The following RASA3 variants were observed in gnomAD, a reference collection of about 807,000 sequenced individuals.
The protein encoded by RASA3 is ras GTPase-activating protein 3.
In RASA3, 73 loss-of-function variants were observed where a neutral mutation model predicts 110.0. The ratio of observed to expected loss-of-function variants is 0.66; its 90% CI spans 0.55 to 0.81. RASA3 has a LOEUF of 0.81. Among genes scored for constraint, RASA3 ranks in the 30% least tolerant of loss-of-function variants. The probability of loss-of-function intolerance (pLI) is 0.00; values close to 1 mark genes in which losing one functional copy is unlikely to be tolerated. For missense variants in RASA3, 976 were observed against 1,113.2 expected (o/e 0.88, Z 1.75); for synonymous variants, 500 against 451.4 (o/e 1.11, Z -1.37).
chr13:114,113,055 C>T (rs1236301272), intron 1 of RASA3, among the ~76,000 whole-genome samples: 6 of 152,144 alleles, frequency 3.9e-5, no homozygotes, highest in Non-Finnish European at 7.4e-5. Flanking sequence ...AAGCCTTTCC[C>T]GACTTGGGGG....
rs9562214 is a variant in RASA3 at position 114,056,354 on chromosome 13, G to A, written c.174-4199C>T. ...CCAGCGCTAAGCACACCCCACAAAC[G>A]GGCGCCGCGCACCTGGCATTTAACC... On this transcript the variant is annotated intron_variant, in intron 2 of 23. Coordinates refer to ENST00000334062, the MANE Select transcript of RASA3 (RefSeq NM_007368.4). This position sits in a 1 kb window ranked among gnomAD's most constrained non-coding sequence, Gnocchi z 5.7. 50,817 of 781,240 alleles carry A rather than the reference G, an allele frequency of 0.065. 2,281 individuals carry two copies. Among genetic ancestry groups the A allele is most frequent in the African/African-American group, 0.18 (9,604 of 53,018 alleles). 48.4% of individuals were successfully genotyped at this position (781,240 alleles called of 1,614,324 possible). A position where few individuals can be genotyped will look rare whatever the true frequency, so the allele number is the denominator to read the frequency against.
rs1018156569 is a variant in RASA3, at chr13:113,999,525, A to G, written c.1932+60T>C. 2.8e-5 allele frequency: 38 copies of G among 1,368,186 alleles called. No homozygotes were observed. In the East Asian group the frequency reaches 8.3e-4, roughly 30 times the overall value. 84.8% of individuals were successfully genotyped at this position (1,368,186 alleles called of 1,614,324 possible). A position where few individuals can be genotyped will look rare whatever the true frequency, so the allele number is the denominator to read the frequency against. On this transcript the variant is annotated intron_variant, in intron 20 of 23. Transcript: ENST00000334062. ...AGCCCAGGGCCAGGTACGGGAAGAG[A>G]GCAGAGAAAACCTGGCCAGGCCTCA...
rs2079944650 is a variant in RASA3, at chr13:114,096,357, T to TGTGAGATG, written c.56-22521_56-22520insCATCTCAC. 6.6e-6 allele frequency among the ~76,000 whole-genome samples: 1 copy of TGTGAGATG among 152,078 alleles called. No individual in the cohort carries two copies. On this transcript the variant is annotated intron_variant, in intron 1 of 23. Coordinates refer to ENST00000334062, the MANE Select transcript of RASA3 (RefSeq NM_007368.4). This position sits in a 1 kb window ranked among gnomAD's most constrained non-coding sequence, Gnocchi z 5.1. ...CTCTCTCACAGTCACCTCAACAGCA[T>TGTGAGATG]CTCAGCCGTTGTCCGACACTGGGTG...
At chr13:114,104,394 T>C (rs9590436) in intron 1 of RASA3, among the ~76,000 whole-genome samples, 110,923 of 148,522 alleles carry the variant, frequency 0.75, 41,743 homozygotes, top group Middle Eastern at 0.81. Flanking sequence ...CACCCACTGG[T>C]GATGCGGCCT....
At chr13:114,070,406 A>T (rs117757605) in intron 2 of RASA3, among the ~76,000 whole-genome samples, 2,212 of 152,218 alleles carry the variant, frequency 0.015, 136 homozygotes, top group Admixed American at 0.1. Context: ...ATGCATGTGC[A>T]CCGATGGAGG....
chr13:113,980,892 G>A (rs2052918750), intron 23 of RASA3, among the ~76,000 whole-genome samples: 1 of 152,184 alleles, frequency 6.6e-6, no homozygotes. Flanking sequence ...GAGAGAGGGA[G>A]GATCGAAGGG....
intron 4 of RASA3, among the ~76,000 whole-genome samples, chr13:114,034,706 G>A (rs1180576927): frequency 6.6e-6 from 1 of 152,222 alleles, no homozygotes; most frequent in East Asian, 1.9e-4. Flanking sequence ...ACATTTAGAG[G>A]TTAAACAACA....
chr13:114,100,017 A>G (rs1193626277), intron 1 of RASA3, among the ~76,000 whole-genome samples: 1 of 138,290 alleles, frequency 7.2e-6, no homozygotes, highest in Non-Finnish European at 1.6e-5. Context: ...CTGTTTAAAA[A>G]CTATTGTCCT....
At chr13:114,039,785 G>A (rs899463590) in intron 4 of RASA3, among the ~76,000 whole-genome samples, 6 of 152,212 alleles carry the variant, frequency 3.9e-5, no homozygotes, top group African/African-American at 1.4e-4. Flanking sequence ...CTGGGACATG[G>A]GCCCCAGCAC....
intron 4 of RASA3, among the ~76,000 whole-genome samples, chr13:114,037,072 C>T (rs909883568): frequency 6.6e-6 from 1 of 152,188 alleles, no homozygotes; most frequent in Non-Finnish European, 1.5e-5. Flanking sequence ...CCTCATGTTC[C>T]GGACAGTGAG....
At chr13:114,060,071 C>A (rs2079311527) in intron 2 of RASA3, among the ~76,000 whole-genome samples, 1 of 152,218 alleles carries the variant, frequency 6.6e-6, no homozygotes, top group African/African-American at 2.4e-5. Flanking sequence ...ATGAATGAGG[C>A]CATGGACGGC....
chr13:114,080,415 G>A (rs1056861339), intron 1 of RASA3, among the ~76,000 whole-genome samples: 2 of 152,180 alleles, frequency 1.3e-5, no homozygotes, highest in African/African-American at 4.8e-5. Flanking sequence ...CCGTCCAGGG[G>A]GTCTGCCTGT....
At chr13:114,117,415 T>G (rs1438726142) in intron 1 of RASA3, among the ~76,000 whole-genome samples, 2 of 135,730 alleles carry the variant, frequency 1.5e-5, no homozygotes, top group African/African-American at 2.8e-5. Flanking sequence ...CTGTGAGGGG[T>G]GCATGCAATG....
chr13:114,054,903 G>T (rs548025458), intron 2 of RASA3, among the ~76,000 whole-genome samples: 1 of 152,390 alleles, frequency 6.6e-6, no homozygotes, highest in African/African-American at 2.4e-5. Context: ...GCACCGCCGA[G>T]ATCTGATGTC....
intron 2 of RASA3, among the ~76,000 whole-genome samples, chr13:114,068,401 C>A (rs1479762230): frequency 6.6e-6 from 1 of 152,238 alleles, no homozygotes; most frequent in Non-Finnish European, 1.5e-5. Flanking sequence ...GGGACAGACA[C>A]CATTCCACGT....
intron 23 of RASA3, among the ~76,000 whole-genome samples, chr13:113,981,111 T>G (rs996640662): frequency 3.3e-5 from 5 of 152,192 alleles, no homozygotes; most frequent in Admixed American, 6.5e-5. Flanking sequence ...TTACATAGTT[T>G]AAGTCAATCT....
intron 1 of RASA3, among the ~76,000 whole-genome samples, chr13:114,083,576 G>C (rs1326993069): frequency 6.9e-6 from 1 of 145,792 alleles, no homozygotes; most frequent in African/African-American, 2.5e-5. Flanking sequence ...TGAGTCTGGA[G>C]TATCGACTCC....
At chr13:114,083,590 C>T (rs2079818146) in intron 1 of RASA3, among the ~76,000 whole-genome samples, 2 of 134,264 alleles carry the variant, frequency 1.5e-5, no homozygotes, top group African/African-American at 5.4e-5. Context: ...CGACTCCCTT[C>T]GTCCTCGCGG....
chr13:114,109,178 A>G (rs2080182093), intron 1 of RASA3, among the ~76,000 whole-genome samples: 1 of 152,182 alleles, frequency 6.6e-6, no homozygotes, highest in Admixed American at 6.5e-5. Context: ...CGGCTCCGTG[A>G]CCGTCACAGG....
Sources: gnomAD v4.1 joint callset for allele counts (sites outside exome capture counted in the v4.1 genomes callset) on GRCh38, gnomAD v4.1.1 for gene constraint, Gnocchi (gnomAD v3.1) non-coding constraint, MANE v1.5 for transcripts, NCBI Gene and HGNC (gene_info 2026-07-23, HGNC 2026-07-21) for gene names.